WDR12: variants seen among roughly 807,000 people sequenced by gnomAD.
The protein encoded by WDR12 is WD repeat domain 12.
In WDR12, 42 loss-of-function variants were observed where a neutral mutation model predicts 64.3. The observed-to-expected ratio is 0.65, with a 90% confidence interval of 0.51 to 0.84. WDR12 has a LOEUF of 0.84. Ranked by LOEUF, WDR12 falls within the 40% of genes least tolerant of loss-of-function variation. WDR12 has a pLI of 0.00. For missense variants in WDR12, 469 were observed against 494.6 expected (o/e 0.95, Z 0.49); for synonymous variants, 158 against 173.3 (o/e 0.91, Z 0.70).
intron 2 of WDR12, among the ~76,000 whole-genome samples, chr2:202,904,090 A>G (rs559151051): frequency 7.2e-6 from 1 of 138,934 alleles, no homozygotes; most frequent in Non-Finnish European, 1.5e-5. Flanking sequence ...ATGAGGTGAG[A>G]TTACGCAATT....
chr2:202,911,601 C>T lies in WDR12; in HGVS notation c.-125G>A. ...TTAGACTGCACAGGTAAGCGAGGAA[C>T]TGCAGTCTAAGCCTGGACTCTGCCT... On this transcript the variant is annotated 5_prime_UTR_variant, in exon 1 of 13. Transcript: ENST00000261015. 1.1e-6 allele frequency: 1 copy of T among 882,994 alleles called. No homozygotes were observed. 54.7% of individuals were successfully genotyped at this position (882,994 alleles called of 1,614,324 possible).
intron 12 of WDR12, among the ~76,000 whole-genome samples, chr2:202,881,218 G>T (rs1025644754): frequency 6.6e-6 from 1 of 152,104 alleles, no homozygotes; most frequent in Non-Finnish European, 1.5e-5. Flanking sequence ...GTTTGAAAGG[G>T]ATACAGTTTT....
At chr2:202,895,054 AAAG>A (rs1432478753) in intron 6 of WDR12, among the ~76,000 whole-genome samples, 2 of 152,162 alleles carry the variant, frequency 1.3e-5, no homozygotes, top group African/African-American at 2.4e-5. Context: ...CCTTAACCAA[AAAG>A]AAGAGGTACA....
intron 5 of WDR12, 59 bp downstream of exon 5, chr2:202,897,241 A>T: frequency 8.1e-7 from 1 of 1,229,382 alleles, no homozygotes; most frequent in Non-Finnish European, 1.2e-6. Flanking sequence ...AGCACCAAAA[A>T]TGGCTTATTT....
At position 202,904,206 on chromosome 2, in the gene WDR12, A is replaced by G. The variant is rs577355499; in HGVS notation, c.137-3087T>C. On this transcript the variant is annotated intron_variant, in intron 2 of 12. Transcript: ENST00000261015. ...AAAGAAATTGAAGAGGACACAAAAAAATGGAAAGATATTCCAGGATCATGG... is the reference window on the plus strand; with the variant it reads ...AAAGAAATTGAAGAGGACACAAAAAGATGGAAAGATATTCCAGGATCATGG... Among the ~76,000 whole-genome samples the G allele has an allele frequency of 2.0e-5, 3 of 151,774 alleles. No individual in the cohort carries two copies. The East Asian group carries it at 5.8e-4, about 29-fold the overall frequency.
intron 3 of WDR12, 56 bp downstream of exon 3, chr2:202,900,969 C>T: frequency 7.0e-7 from 1 of 1,437,816 alleles, no homozygotes. Context: ...AGGAGTTTAC[C>T]TACAATAGCC....
At chr2:202,907,991 G>C (rs372904143) in intron 1 of WDR12, 32 bp from the exon 2 acceptor site, 13 of 1,576,442 alleles carry the variant, frequency 8.2e-6, no homozygotes, top group Admixed American at 1.7e-5. Flanking sequence ...TCAAGATCAA[G>C]TCTACAGATA....
chr2:202,901,422 T>C lies in WDR12; in HGVS notation c.137-303A>G, dbSNP rs184561278. Among the ~76,000 whole-genome samples the C allele has an allele frequency of 1.3e-5, 2 of 152,304 alleles. 1 individual carries two copies. Among genetic ancestry groups the C allele is most frequent in the Admixed American group, 1.3e-4 (2 of 15,296 alleles). ...CCAACTAATGGGACATCATCTATAT[T>C]CCACCCTCCATTCCCCGGCTGGTTT... On this transcript the variant is annotated intron_variant, in intron 2 of 12. Coordinates refer to ENST00000261015, the MANE Select transcript of WDR12 (RefSeq NM_018256.4).
chr2:202,906,594 T>C (rs1574411772), intron 2 of WDR12, among the ~76,000 whole-genome samples: 1 of 152,210 alleles, frequency 6.6e-6, no homozygotes, highest in Non-Finnish European at 1.5e-5. Context: ...CTGGGCATGG[T>C]GGCTCACACA....
rs991712894 is a variant in WDR12 at position 202,874,482 on chromosome 2, T to A, written c.*6378A>T. Among the ~76,000 whole-genome samples, 1 of 152,234 alleles carries A rather than the reference T, an allele frequency of 6.6e-6. No individual in the cohort carries two copies. Among genetic ancestry groups the A allele is most frequent in the Non-Finnish European group, 1.5e-5 (1 of 68,044 alleles). ...TTAGTTTCTTTAAAGACTAATGGTC[T>A]TCACTTTTGTTTTTGTGCAAACCTC... On this transcript the variant is annotated 3_prime_UTR_variant, in exon 13 of 13. Coordinates refer to ENST00000261015, the MANE Select transcript of WDR12 (RefSeq NM_018256.4).
At chr2:202,908,936 C>T (rs1688513523) in intron 1 of WDR12, among the ~76,000 whole-genome samples, 1 of 152,232 alleles carries the variant, frequency 6.6e-6, no homozygotes, top group Non-Finnish European at 1.5e-5. Context: ...CCAATAGGGA[C>T]ATGCAAATGC....
Position 202,907,872 on chromosome 2 carries a change from G to A in WDR12, c.129C>T (p.Asp43=). ...CTAAGCATATATACCCACCATTTTTGTCCTTTAGTAGTTTATTGATGATGT... is the reference window on the plus strand; with the variant it reads ...CTAAGCATATATACCCACCATTTTTATCCTTTAGTAGTTTATTGATGATGT... The part of the protein sequence containing the change: ...LSNIINKLLK[D]KNEFHKHVEF... Residue 43 remains aspartate, a synonymous_variant, in exon 2 of 13, where the codon GAC becomes GAT. Coordinates refer to ENST00000261015, the MANE Select transcript of WDR12 (RefSeq NM_018256.4). 6.2e-7 allele frequency: 1 copy of A among 1,612,716 alleles called. No homozygotes were observed. The highest frequency in any genetic ancestry group is 1.3e-5 in the African/African-American group (1 of 74,964).
Position 202,874,820 on chromosome 2 carries a change from T to C in WDR12, c.*6040A>G, listed in dbSNP as rs532577858. The C allele has an allele frequency of 6.6e-6, 1 of 152,328 alleles. No individual in the cohort carries two copies. The highest frequency in any genetic ancestry group is 2.1e-4 in the South Asian group (1 of 4,822). 9.4% of individuals were successfully genotyped at this position (152,328 alleles called of 1,614,324 possible). ...ACATTTCTGTTTATTCAAGCAAAGC[T>C]AGAAACAGTATTAGAATTAGACACA... On this transcript the variant is annotated 3_prime_UTR_variant, in exon 13 of 13. Coordinates refer to ENST00000261015, the MANE Select transcript of WDR12 (RefSeq NM_018256.4).
intron 2 of WDR12, among the ~76,000 whole-genome samples, chr2:202,902,286 C>T (rs1226051828): frequency 6.6e-6 from 1 of 152,268 alleles, no homozygotes; most frequent in Admixed American, 6.5e-5. Context: ...TAAGATTTAT[C>T]CCAGGGATGC....
chr2:202,900,192 T>C (rs949768693), intron 3 of WDR12, among the ~76,000 whole-genome samples: 4 of 151,894 alleles, frequency 2.6e-5, no homozygotes, highest in Non-Finnish European at 4.4e-5. Flanking sequence ...TAGCCAGGCG[T>C]GGTGGCAGAT....
intron 1 of WDR12, among the ~76,000 whole-genome samples, chr2:202,909,645 A>G (rs1688529108): frequency 6.6e-6 from 1 of 152,194 alleles, no homozygotes; most frequent in African/African-American, 2.4e-5. Context: ...ACTTTGAGCA[A>G]TAAGGCTATA....
At chr2:202,890,695 C>CG (rs981848248) in intron 8 of WDR12, among the ~76,000 whole-genome samples, 1 of 150,964 alleles carries the variant, frequency 6.6e-6, no homozygotes, top group Admixed American at 6.6e-5. Flanking sequence ...GGCGTGAACC[C>CG]GGGGGGCGGA....
intron 6 of WDR12, among the ~76,000 whole-genome samples, chr2:202,895,823 C>T (rs547371367): frequency 1.1e-4 from 16 of 151,926 alleles, no homozygotes; most frequent in Non-Finnish European, 2.1e-4. Context: ...AGCCACCGCG[C>T]CCGGCCCATA....
chr2:202,910,072 A>T (rs1289164223), intron 1 of WDR12, among the ~76,000 whole-genome samples: 1 of 152,200 alleles, frequency 6.6e-6, no homozygotes, highest in Non-Finnish European at 1.5e-5. Flanking sequence ...TTGGGATTAC[A>T]GACATGAGCC....
Sources: allele counts gnomAD v4.1 joint callset (sites outside exome capture counted in the v4.1 genomes callset), GRCh38; gene constraint gnomAD v4.1.1; transcripts MANE v1.5; gene names NCBI Gene and HGNC (gene_info 2026-07-23, HGNC 2026-07-21).